The following OSBPL3 variants were observed in gnomAD, a reference collection of about 807,000 sequenced individuals.
OSBPL3 encodes the protein oxysterol binding protein like 3, also known as oxysterol-binding protein-related protein 3.
A neutral mutation model predicts 120.1 loss-of-function variants in OSBPL3; 65 were observed. The observed-to-expected ratio is 0.54, with a 90% confidence interval of 0.44 to 0.67. The LOEUF (loss-of-function observed/expected upper bound fraction) is 0.67, where lower values mean the gene tolerates loss of function less well. Among genes scored for constraint, OSBPL3 ranks in the 30% least tolerant of loss-of-function variants. OSBPL3 has a pLI of 0.00. For synonymous variants in OSBPL3, 416 were observed against 402.6 expected (o/e 1.03, Z -0.40); for missense variants, 1,004 against 1,082.1 (o/e 0.93, Z 1.01).
At position 24,968,384 on chromosome 7, in the gene OSBPL3, G is replaced by C. The variant is rs2128530973; in HGVS notation, c.-150+11502C>G. On this transcript the variant is annotated intron_variant, in intron 1 of 22. Transcript: ENST00000313367. This position sits in a 1 kb window ranked among gnomAD's most constrained non-coding sequence, Gnocchi z 4.6. ...GGTTCCCACATGCCGGTGTAAACTGGCTTCAGCACACCAGTTTTTTTGTTT... is the reference window on the plus strand; with the variant it reads ...GGTTCCCACATGCCGGTGTAAACTGCCTTCAGCACACCAGTTTTTTTGTTT... Among the ~76,000 whole-genome samples the C allele has an allele frequency of 6.6e-6, 1 of 152,264 alleles. No individual in the cohort carries two copies. The highest frequency in any genetic ancestry group is 2.1e-4 in the South Asian group (1 of 4,824).
intron 10 of OSBPL3, among the ~76,000 whole-genome samples, chr7:24,856,929 T>C (rs987653007): frequency 6.6e-6 from 1 of 152,250 alleles, no homozygotes; most frequent in Admixed American, 6.5e-5. Flanking sequence ...TTGATTTAGA[T>C]ACATTAGGTA....
intron 1 of OSBPL3, among the ~76,000 whole-genome samples, chr7:24,910,481 T>C (rs1261948149): frequency 6.6e-6 from 1 of 152,080 alleles, no homozygotes; most frequent in East Asian, 1.9e-4. Context: ...GAAGCTACAG[T>C]GGAAAGACAG....
Position 24,940,294 on chromosome 7 carries a change from GA to G in OSBPL3, c.-150+39591del, listed in dbSNP as rs1407748744. Among the ~76,000 whole-genome samples the G allele has an allele frequency of 2.0e-5, 3 of 152,216 alleles. No individual in the cohort carries two copies. In the East Asian group the frequency reaches 5.8e-4, roughly 29 times the overall value. ...TGGTAAACTGAGTACAAAGACAGAA[GA>G]AGTGGACTGTTGTGTTGAAACACAG... On this transcript the variant is annotated intron_variant, in intron 1 of 22. Coordinates refer to ENST00000313367, the MANE Select transcript of OSBPL3 (RefSeq NM_015550.4). The surrounding 1 kb of genome is among the most constrained non-coding windows in gnomAD (Gnocchi z 4.4).
Position 24,916,930 on chromosome 7 carries a change from C to A in OSBPL3, c.-149-24309G>T, listed in dbSNP as rs945634717. Among the ~76,000 whole-genome samples, 6 of 143,270 alleles carry A rather than the reference C, an allele frequency of 4.2e-5. No individual in the cohort carries two copies. The highest frequency in any genetic ancestry group is 1.6e-4 in the African/African-American group (6 of 38,674). 94.0% of individuals were successfully genotyped at this position (143,270 alleles called of 152,430 possible). A position where few individuals can be genotyped will look rare whatever the true frequency, so the allele number is the denominator to read the frequency against. On this transcript the variant is annotated intron_variant, in intron 1 of 22. Transcript: ENST00000313367. This position sits in a 1 kb window ranked among gnomAD's most constrained non-coding sequence, Gnocchi z 4.9. ...GTCTTCCATTTCCACCCCCCCCAAC[C>A]TTTTTAGAAAATTAAATAAATAACT... is the stretch of plus-strand genomic sequence containing the variant.
rs1382306057 is a variant in OSBPL3, at chr7:24,939,144, AAG to A, written c.-150+40740_-150+40741del. 6.6e-6 allele frequency among the ~76,000 whole-genome samples: 1 copy of A among 152,174 alleles called. No individual in the cohort carries two copies. The highest frequency in any genetic ancestry group is 1.5e-5 in the Non-Finnish European group (1 of 68,032). On this transcript the variant is annotated intron_variant, in intron 1 of 22. Coordinates refer to ENST00000313367, the MANE Select transcript of OSBPL3 (RefSeq NM_015550.4). This position sits in a 1 kb window ranked among gnomAD's most constrained non-coding sequence, Gnocchi z 4.2. ...GGAAATGCAGTATTTAAGAGAAAGA[AAG>A]AGAAAAGATAAATGAAGAAAACTAA...
At chr7:24,980,966 G>T (rs1268413498), upstream of OSBPL3, among the ~76,000 whole-genome samples, 1 of 152,096 alleles carries the variant, frequency 6.6e-6, no homozygotes, top group Non-Finnish European at 1.5e-5. Flanking sequence ...TTTGGGGTCA[G>T]TTTGCAGACT....
At chr7:24,810,183 G>C in intron 19 of OSBPL3, 2 of 481,198 alleles carry the variant, frequency 4.2e-6, no homozygotes, top group Non-Finnish European at 3.7e-6. Flanking sequence ...GCTAAATCAA[G>C]CTGATTAACA....
chr7:24,923,303 T>C lies in OSBPL3; in HGVS notation c.-149-30682A>G, dbSNP rs185190539. Reference sequence around the variant, plus strand: ...TGCTCCTAGAACCAGCCTCTTCCACTCTCAGGGTGAATCAGCATCCAGGTC... The same window carrying C: ...TGCTCCTAGAACCAGCCTCTTCCACCCTCAGGGTGAATCAGCATCCAGGTC... On this transcript the variant is annotated intron_variant, in intron 1 of 22. Coordinates refer to ENST00000313367, the MANE Select transcript of OSBPL3 (RefSeq NM_015550.4). Among the ~76,000 whole-genome samples, 6 of 152,168 alleles carry C rather than the reference T, an allele frequency of 3.9e-5. No individual in the cohort carries two copies. The East Asian group carries it at 1.2e-3, about 30-fold the overall frequency.
Position 24,854,510 on chromosome 7 carries a change from A to G in OSBPL3, c.1028-1876T>C, listed in dbSNP as rs201065276. On this transcript the variant is annotated intron_variant, in intron 10 of 22. Transcript: ENST00000313367. The surrounding 1 kb of genome is among the most constrained non-coding windows in gnomAD (Gnocchi z 4.1). ...TTTGTACACACACACACGCACACAC[A>G]CACACACACACACACACACACACAC... 1.2e-4 allele frequency among the ~76,000 whole-genome samples: 13 copies of G among 105,166 alleles called. No homozygotes were observed. Among genetic ancestry groups the G allele is most frequent in the East Asian group, 1.2e-3 (2 of 1,674 alleles). 69.0% of individuals were successfully genotyped at this position (105,166 alleles called of 152,430 possible).
intron 2 of OSBPL3, among the ~76,000 whole-genome samples, chr7:24,889,217 G>A (rs531251139): frequency 6.6e-6 from 1 of 152,316 alleles, no homozygotes; most frequent in Non-Finnish European, 1.5e-5. Context: ...GGATGAACTG[G>A]AGGACATTAT....
upstream of OSBPL3, among the ~76,000 whole-genome samples, chr7:24,980,826 G>A (rs1221520018): frequency 6.6e-6 from 1 of 152,092 alleles, no homozygotes; most frequent in South Asian, 2.1e-4. Context: ...ATGTGCAAGG[G>A]GGTAGGAGGT....
At chr7:24,917,446 T>TAC (rs1554404986) in intron 1 of OSBPL3, among the ~76,000 whole-genome samples, 8,587 of 121,664 alleles carry the variant, frequency 0.071, 710 homozygotes, top group African/African-American at 0.17. Context: ...TATATATATA[T>TAC]ACACACACAT....
In OSBPL3 at chr7:24,916,636, T is replaced by C; in HGVS notation, c.-149-24015A>G. ...TCATTCCCTGACCCTCTTCTCTGGC[T>C]GTGTCTCAACTGTTGGAGAAACATT... On this transcript the variant is annotated intron_variant, in intron 1 of 22. Coordinates refer to ENST00000313367, the MANE Select transcript of OSBPL3 (RefSeq NM_015550.4). The surrounding 1 kb of genome is among the most constrained non-coding windows in gnomAD (Gnocchi z 4.9). Among the ~76,000 whole-genome samples the C allele has an allele frequency of 6.6e-6, 1 of 152,240 alleles. No individual in the cohort carries two copies. Among genetic ancestry groups the C allele is most frequent in the East Asian group, 1.9e-4 (1 of 5,186 alleles).
At chr7:24,897,357 G>A (rs868552533) in intron 1 of OSBPL3, among the ~76,000 whole-genome samples, 78 of 121,378 alleles carry the variant, frequency 6.4e-4, no homozygotes, top group Non-Finnish European at 1.0e-3. Context: ...ACGGAGTCTC[G>A]CTCTGTCGCC....
At position 24,804,441 on chromosome 7, in the gene OSBPL3, AGGCATCG is replaced by A; in HGVS notation, c.2445-11_2445-5del. 6.2e-7 allele frequency: 1 copy of A among 1,611,876 alleles called. No individual in the cohort carries two copies. Among genetic ancestry groups the A allele is most frequent in the African/African-American group, 1.3e-5 (1 of 74,592 alleles). ...TAAGTTCCCTTCCTCTAGAAACCTG[AGGCATCG>A]AGGAAAAAAAAATGAAAGGATATGA... is the stretch of plus-strand genomic sequence containing the variant. On this transcript the variant is annotated splice_polypyrimidine_tract_variant and splice_region_variant and intron_variant, in intron 21 of 22. Coordinates refer to ENST00000313367, the MANE Select transcript of OSBPL3 (RefSeq NM_015550.4). This position sits in a 1 kb window ranked among gnomAD's most constrained non-coding sequence, Gnocchi z 5.4.
chr7:24,840,306 T>C (rs907759640), intron 14 of OSBPL3, among the ~76,000 whole-genome samples: 17 of 152,150 alleles, frequency 1.1e-4, no homozygotes, highest in African/African-American at 4.1e-4. Context: ...TCTGCTACCC[T>C]TGAGATAGCA....
chr7:24,826,265 C>G (rs539099521), intron 16 of OSBPL3, among the ~76,000 whole-genome samples: 1 of 152,226 alleles, frequency 6.6e-6, no homozygotes, highest in South Asian at 2.1e-4. Context: ...AGGTTGAAAC[C>G]GATTTTTTGG....
At chr7:24,828,784 A>C (rs1435758432) in intron 16 of OSBPL3, among the ~76,000 whole-genome samples, 2 of 150,888 alleles carry the variant, frequency 1.3e-5, no homozygotes, top group Non-Finnish European at 3.0e-5. Flanking sequence ...TTTAAAAAGG[A>C]AGGCTCAGAA....
Position 24,918,072 on chromosome 7 carries a change from G to A in OSBPL3, c.-149-25451C>T, listed in dbSNP as rs73076235. 85,837 of 983,420 alleles carry A rather than the reference G, an allele frequency of 0.087. 3,880 individuals are homozygous for A. Among genetic ancestry groups the A allele is most frequent in the South Asian group, 0.12 (2,636 of 21,232 alleles). The allele number at this position is 983,420 out of a possible 1,614,324, so 60.9% of individuals were successfully genotyped here. A position where few individuals can be genotyped will look rare whatever the true frequency, so the allele number is the denominator to read the frequency against. The stretch of plus-strand genomic sequence containing the variant: ...CTATAAAGGTTGGCTTATCCTCGAC[G>A]CACATAATGACAAGCACAGGTGCTG... On this transcript the variant is annotated intron_variant, in intron 1 of 22. Transcript: ENST00000313367. The surrounding 1 kb of genome is among the most constrained non-coding windows in gnomAD (Gnocchi z 4.3).
Sources: gnomAD v4.1 joint callset for allele counts (sites outside exome capture counted in the v4.1 genomes callset) on GRCh38, gnomAD v4.1.1 for gene constraint, Gnocchi (gnomAD v3.1) non-coding constraint, MANE v1.5 for transcripts, NCBI Gene and HGNC (gene_info 2026-07-23, HGNC 2026-07-21) for gene names.